Variants in ARFGEF1 observed in about 807,000 individuals in gnomAD.
ARFGEF1 encodes the protein ARF guanine nucleotide exchange factor 1.
ARFGEF1 carries 42 observed loss-of-function variants against 231.0 expected under a neutral mutation model. The ratio of observed to expected loss-of-function variants is 0.18; its 90% confidence interval spans 0.14 to 0.24. The LOEUF (loss-of-function observed/expected upper bound fraction) is 0.24. ARFGEF1 is among the 10% of genes least tolerant of loss of function. ARFGEF1 has a pLI of 1.00. For synonymous variants in ARFGEF1, 710 were observed against 732.3 expected (o/e 0.97, Z 0.49); for missense variants, 1,345 against 2,192.0 (o/e 0.61, Z 7.72).
At chr8:67,199,713 G>A (rs1838254334) in intron 38 of ARFGEF1, 1 of 154,024 alleles carries the variant, frequency 6.5e-6, no homozygotes, top group Non-Finnish European at 1.4e-5. Flanking sequence ...ACAGAGGCTG[G>A]GATTTAGAGC....
Position 67,343,402 on chromosome 8 carries a change from T to C in ARFGEF1, c.-115A>G, listed in dbSNP as rs1212910489. The C allele has an allele frequency of 1.5e-5, 20 of 1,355,812 alleles. No homozygotes were observed. Among genetic ancestry groups the C allele is most frequent in the Non-Finnish European group, 1.6e-5 (16 of 1,030,000 alleles). 84.0% of individuals were successfully genotyped at this position (1,355,812 alleles called of 1,614,324 possible). On this transcript the variant is annotated 5_prime_UTR_variant, in exon 1 of 39. Transcript: ENST00000262215. ...AAGGAGAGGGGGTGGAGGTGGGGGATTGGAGGCGTGGAGGGCAGCGGCAGG... is the reference window on the plus strand; with the variant it reads ...AAGGAGAGGGGGTGGAGGTGGGGGACTGGAGGCGTGGAGGGCAGCGGCAGG...
At chr8:67,201,022 C>T (rs144367887) in intron 37 of ARFGEF1, among the ~76,000 whole-genome samples, 53 of 152,338 alleles carry the variant, frequency 3.5e-4, no homozygotes, top group African/African-American at 1.3e-3. Context: ...ATGCAGATGA[C>T]CGTATTCTTT....
chr8:67,259,833 T>C lies in ARFGEF1; in HGVS notation c.2217A>G (p.Gln739=). 3 of 1,607,376 alleles carry C rather than the reference T, an allele frequency of 1.9e-6. No homozygotes were observed. The highest frequency in any genetic ancestry group is 2.6e-6 in the Non-Finnish European group (3 of 1,175,530). ...TPEDIAQFLH[Q]EERLDSTQVG... ...TTCTTACAGAGTCTAATCTTTCCTC[T>C]TGATGTAAGAATTGGGCAATATCTT... is the stretch of plus-strand genomic sequence containing the variant. The change falls in exon 15 of 39, where the codon CAA becomes CAG. Residue 739 remains glutamine, a synonymous_variant. Coordinates refer to ENST00000262215, the MANE Select transcript of ARFGEF1 (RefSeq NM_006421.5).
At chr8:67,197,404 A>G (rs898299033), downstream of ARFGEF1, among the ~76,000 whole-genome samples, 1 of 152,230 alleles carries the variant, frequency 6.6e-6, no homozygotes, top group Non-Finnish European at 1.5e-5. Context: ...AGCTGTGCTC[A>G]TACCACTGCA....
At chr8:67,291,797 T>TC (rs778348582) in intron 6 of ARFGEF1, 50 bp downstream of exon 6, 4 of 1,576,006 alleles carry the variant, frequency 2.5e-6, no homozygotes, top group Admixed American at 1.8e-5. Context: ...CTCTCATTCC[T>TC]ACACATTTCC....
chr8:67,329,125 C>T (rs1807976509), intron 1 of ARFGEF1, among the ~76,000 whole-genome samples: 1 of 152,134 alleles, frequency 6.6e-6, no homozygotes, highest in Non-Finnish European at 1.5e-5. Flanking sequence ...ACCTGGGAGG[C>T]TGAGGCAGGA....
chr8:67,289,970 G>GA (rs1805938057), intron 6 of ARFGEF1, among the ~76,000 whole-genome samples: 1 of 152,144 alleles, frequency 6.6e-6, no homozygotes, highest in African/African-American at 2.4e-5. Context: ...ATAAGTATCT[G>GA]AAAGAAACAG....
chr8:67,343,089 C>CG, intron 1 of ARFGEF1, 75 bp downstream of exon 1: 1 of 438,126 alleles, frequency 2.3e-6, no homozygotes, highest in Non-Finnish European at 4.0e-6. Flanking sequence ...CCCCGGGCGA[C>CG]CCCACCCCCC....
chr8:67,240,243 A>G lies in ARFGEF1; in HGVS notation c.2898T>C (p.Asp966=), dbSNP rs1161458865. The G allele has an allele frequency of 3.1e-6, 5 of 1,613,134 alleles. No homozygotes were observed. Among genetic ancestry groups the G allele is most frequent in the South Asian group, 1.1e-5 (1 of 90,834 alleles). The change falls in exon 20 of 39, where the codon GAT becomes GAC. Residue 966 remains aspartate (D), a synonymous_variant. Coordinates refer to ENST00000262215, the MANE Select transcript of ARFGEF1 (RefSeq NM_006421.5). Reference sequence around the variant, plus strand: ...GAGAGGCTACTTCAGTATCATCACAATCTTGTAGACCCACACTGAATGCAG... The same window carrying G: ...GAGAGGCTACTTCAGTATCATCACAGTCTTGTAGACCCACACTGAATGCAG... The part of the protein sequence containing the change: ...FLAAFSVGLQ[D]CDDTEVASLC...
chr8:67,302,390 A>G lies in ARFGEF1; in HGVS notation c.155+46T>C, dbSNP rs779999343. On this transcript the variant is annotated intron_variant, in intron 2 of 38. Coordinates refer to ENST00000262215, the MANE Select transcript of ARFGEF1 (RefSeq NM_006421.5). ...GACTATATTATTTTGACCAAGACTG[A>G]CAAGTTTGAAAATTATTTTTACTAA... is the stretch of plus-strand genomic sequence containing the variant. 9 of 1,499,996 alleles carry G rather than the reference A, an allele frequency of 6.0e-6. No homozygotes were observed. The South Asian group carries it at 9.0e-5, about 15-fold the overall frequency. 92.9% of individuals were successfully genotyped at this position (1,499,996 alleles called of 1,614,324 possible).
In ARFGEF1 at chr8:67,277,190, A is replaced by C. The variant is rs373517779; in HGVS notation, c.1203+92T>G. The C allele has an allele frequency of 2.3e-5, 29 of 1,255,356 alleles. No homozygotes were observed. The African/African-American group carries it at 3.1e-4, about 13-fold the overall frequency. The allele number at this position is 1,255,356 out of a possible 1,614,324, so 77.8% of individuals were successfully genotyped here. A position where few individuals can be genotyped will look rare whatever the true frequency, so the allele number is the denominator to read the frequency against. ...AACTAAATAAAAATCAGGCAGCATC[A>C]TCAGCTGAAAATACTCATGACAAGG... On this transcript the variant is annotated intron_variant, in intron 8 of 38. Transcript: ENST00000262215.
In ARFGEF1 at chr8:67,224,115, C is replaced by G. The variant is rs73256700; in HGVS notation, c.4208+788G>C. Among the ~76,000 whole-genome samples, 820 of 152,102 alleles carry G rather than the reference C, an allele frequency of 5.4e-3. 7 individuals are homozygous for G. Among genetic ancestry groups the G allele is most frequent in the African/African-American group, 0.019 (791 of 41,498 alleles). On this transcript the variant is annotated intron_variant, in intron 29 of 38. Transcript: ENST00000262215. ...AAAAGAGAGATTCATTCTGTGCTAC[C>G]TTTAGAAATTCAAAAAATTCGATAA...
intron 1 of ARFGEF1, among the ~76,000 whole-genome samples, chr8:67,326,465 G>A (rs1587325306): frequency 6.6e-6 from 1 of 152,264 alleles, no homozygotes; most frequent in East Asian, 1.9e-4. Context: ...TGTTGAGAAG[G>A]CCTAAATGGA....
intron 1 of ARFGEF1, among the ~76,000 whole-genome samples, chr8:67,313,707 T>C (rs1054178684): frequency 6.6e-6 from 1 of 152,146 alleles, no homozygotes; most frequent in East Asian, 1.9e-4. Context: ...TTAGCTTTGA[T>C]GGTTTAACGC....
At chr8:67,262,459 G>A (rs975002241) in intron 14 of ARFGEF1, among the ~76,000 whole-genome samples, 18 of 152,186 alleles carry the variant, frequency 1.2e-4, no homozygotes, top group African/African-American at 4.3e-4. Flanking sequence ...CTGGTGGAAA[G>A]AAAATAAGAG....
intron 17 of ARFGEF1, 66 bp downstream of exon 17, chr8:67,257,666 C>T (rs1223720316): frequency 4.8e-6 from 6 of 1,250,076 alleles, no homozygotes; most frequent in Non-Finnish European, 5.7e-6. Context: ...CTATTACTTA[C>T]TGAATTCAGA....
At chr8:67,217,941 T>C in intron 31 of ARFGEF1, 21 bp from the exon 32 acceptor site, 3 of 1,613,106 alleles carry the variant, frequency 1.9e-6, no homozygotes, top group Non-Finnish European at 2.5e-6. Context: ...AAAGAGCAAT[T>C]CATTTATATA....
intron 29 of ARFGEF1, among the ~76,000 whole-genome samples, chr8:67,222,269 A>ATGTATGTAT (rs1483190587): frequency 1.1e-3 from 113 of 101,964 alleles, no homozygotes; most frequent in Admixed American, 2.9e-3. Context: ...GTATGTATGT[A>ATGTATGTAT]TTTTTTTTTT....
chr8:67,210,014 G>C (rs1838668940), intron 34 of ARFGEF1, among the ~76,000 whole-genome samples: 1 of 152,012 alleles, frequency 6.6e-6, no homozygotes, highest in African/African-American at 2.4e-5. Context: ...AATTAATTGG[G>C]TATGGTGGCA....
Sources: gnomAD v4.1 joint callset for allele counts (sites outside exome capture counted in the v4.1 genomes callset) on GRCh38, gnomAD v4.1.1 for gene constraint, MANE v1.5 for transcripts, NCBI Gene and HGNC (gene_info 2026-07-23, HGNC 2026-07-21) for gene names.